Variants in KCNK9 observed in about 807,000 individuals in gnomAD.
The protein encoded by KCNK9 is potassium two pore domain channel subfamily K member 9.
KCNK9 carries 1 observed loss-of-function variant against 10.8 expected under a neutral mutation model. That is an observed-to-expected ratio of 0.09 (90% CI 0.03 to 0.44). The LOEUF is 0.44. Ranked by LOEUF, KCNK9 falls within the 20% of genes least tolerant of loss-of-function variation. The probability of loss-of-function intolerance (pLI) is 0.97; values close to 1 mark genes in which losing one functional copy is unlikely to be tolerated. For synonymous variants in KCNK9, 231 were observed against 222.7 expected (o/e 1.04, Z -0.33); for missense variants, 303 against 515.0 (o/e 0.59, Z 3.98).
At chr8:139,602,586 CT>C (rs1165729864) in intron 2 of KCNK9, among the ~76,000 whole-genome samples, 2 of 152,230 alleles carry the variant, frequency 1.3e-5, no homozygotes, top group African/African-American at 2.4e-5. Flanking sequence ...ATGATAGGAA[CT>C]GCTTAGCACA....
chr8:139,699,871 G>A (rs1029599379), intron 1 of KCNK9, among the ~76,000 whole-genome samples: 5 of 152,168 alleles, frequency 3.3e-5, no homozygotes, highest in African/African-American at 9.7e-5. Context: ...CAGCACCAGC[G>A]GCTCCTGTCC....
intron 1 of KCNK9, among the ~76,000 whole-genome samples, chr8:139,658,470 G>A (rs885726): frequency 0.22 from 33,509 of 152,086 alleles, 6,350 homozygotes; most frequent in East Asian, 0.68. Flanking sequence ...CACGGGTCAC[G>A]CCTGACTTCC....
In KCNK9 at chr8:139,619,029, G is replaced by A. The variant is rs749685849; in HGVS notation, c.354C>T (p.Ile118=). 1 of 1,614,246 alleles carries A rather than the reference G, an allele frequency of 6.2e-7. No homozygotes were observed. Among genetic ancestry groups the A allele is most frequent in the Non-Finnish European group, 8.5e-7 (1 of 1,180,048 alleles). The part of the protein sequence containing the change: ...AFCMFYAVLG[I]PLTLVMFQSL... ...TCTGGAACATGACCAGTGTCAGCGG[G>A]ATGCCCAGCACGGCGTAGAACATGC... The change falls in exon 2 of 2, where the codon ATC becomes ATT. Residue 118 remains isoleucine (I), a synonymous_variant. Transcript: ENST00000520439.
downstream of KCNK9, among the ~76,000 whole-genome samples, chr8:139,609,264 T>G: frequency 4.4e-4 from 1 of 2,274 alleles, no homozygotes; most frequent in Non-Finnish European, 9.5e-4. Flanking sequence ...CCCACCTACC[T>G]AGCGTGAAGA....
At chr8:139,660,962 G>A (rs1267560695) in intron 1 of KCNK9, among the ~76,000 whole-genome samples, 1 of 152,166 alleles carries the variant, frequency 6.6e-6, no homozygotes, top group Non-Finnish European at 1.5e-5. Context: ...GCTTGTGACA[G>A]GCACCAGCAC....
At chr8:139,687,646 A>G (rs1385542611) in intron 1 of KCNK9, among the ~76,000 whole-genome samples, 2 of 111,882 alleles carry the variant, frequency 1.8e-5, no homozygotes, top group Non-Finnish European at 3.7e-5. Flanking sequence ...ATATGTATAC[A>G]TATATATTCA....
downstream of KCNK9, among the ~76,000 whole-genome samples, chr8:139,609,267 C>T (rs1814344026): frequency 1.4e-5 from 2 of 144,268 alleles, no homozygotes; most frequent in South Asian, 4.5e-4. Flanking sequence ...ACCTACCTAG[C>T]GTGAAGAGTG....
In KCNK9 at chr8:139,617,736, A is replaced by G. The variant is rs1033782301; in HGVS notation, c.*522T>C. Among the ~76,000 whole-genome samples the G allele has an allele frequency of 1.3e-5, 2 of 152,174 alleles. No individual in the cohort carries two copies. Among genetic ancestry groups the G allele is most frequent in the African/African-American group, 4.8e-5 (2 of 41,432 alleles). On this transcript the variant is annotated 3_prime_UTR_variant, in exon 2 of 2. Transcript: ENST00000520439. ...TGGGAAAGAAAACGGAATACCTAAT[A>G]CTTCCCGTTTTGTCACGACACACGT...
intron 1 of KCNK9, among the ~76,000 whole-genome samples, chr8:139,639,623 G>A (rs1309981012): frequency 6.6e-6 from 1 of 152,178 alleles, no homozygotes; most frequent in Non-Finnish European, 1.5e-5. Context: ...TGTGACGAAG[G>A]GGCAGACCCA....
chr8:139,625,986 C>G (rs956154609), intron 1 of KCNK9, among the ~76,000 whole-genome samples: 2 of 152,296 alleles, frequency 1.3e-5, no homozygotes, highest in Non-Finnish European at 1.5e-5. Context: ...TAAAGATACT[C>G]TAAGCACATG....
In KCNK9 at chr8:139,618,471, C is replaced by A. The variant is rs201403581; in HGVS notation, c.912G>T (p.Ser304=). 1.9e-6 allele frequency: 3 copies of A among 1,613,846 alleles called. No individual in the cohort carries two copies. Among genetic ancestry groups the A allele is most frequent in the Admixed American group, 1.7e-5 (1 of 60,012 alleles). The change falls in exon 2 of 2, where the codon TCG becomes TCT. Residue 304 remains serine, a synonymous_variant. Coordinates refer to ENST00000520439, the MANE Select transcript of KCNK9 (RefSeq NM_001282534.2). The surrounding 1 kb of genome is among the most constrained non-coding windows in gnomAD (Gnocchi z 7.9). The stretch of plus-strand genomic sequence containing the variant: ...CCACCGAGCGGCCGCCATAGTCCTG[C>A]GAGCGGTAGCAGGTGCAGGAGCACA... The part of the protein sequence containing the change: ...QSVCSCTCYR[S]QDYGGRSVAP...
intron 1 of KCNK9, among the ~76,000 whole-genome samples, chr8:139,656,721 G>C (rs561263770): frequency 4.7e-4 from 71 of 152,256 alleles, no homozygotes; most frequent in African/African-American, 1.4e-3. Context: ...TTGTCTCCTA[G>C]ACCTGCAGTT....
At chr8:139,635,544 TGA>T (rs919127543) in intron 1 of KCNK9, among the ~76,000 whole-genome samples, 6 of 152,070 alleles carry the variant, frequency 3.9e-5, no homozygotes, top group African/African-American at 1.2e-4. Context: ...TTGCAGAGAG[TGA>T]GAGACCTAAA....
At chr8:139,695,044 G>A (rs896141536) in intron 1 of KCNK9, among the ~76,000 whole-genome samples, 1 of 152,172 alleles carries the variant, frequency 6.6e-6, no homozygotes, top group Non-Finnish European at 1.5e-5. Context: ...CATCTTCCCT[G>A]CCATGAATTT....
At chr8:139,627,103 T>C (rs1222662537) in intron 1 of KCNK9, among the ~76,000 whole-genome samples, 3 of 152,236 alleles carry the variant, frequency 2.0e-5, no homozygotes, top group Non-Finnish European at 4.4e-5. Context: ...TCCTGCTTAC[T>C]ATGACCTTGG....
chr8:139,701,982 A>T (rs1426843469), intron 1 of KCNK9, among the ~76,000 whole-genome samples: 4 of 152,120 alleles, frequency 2.6e-5, no homozygotes, highest in Non-Finnish European at 1.5e-5. Context: ...GGCCTTTCCC[A>T]GTGTCACAGC....
intron 1 of KCNK9, among the ~76,000 whole-genome samples, chr8:139,636,437 T>G (rs1479877861): frequency 6.6e-6 from 1 of 152,224 alleles, no homozygotes; most frequent in Non-Finnish European, 1.5e-5. Flanking sequence ...AGTCACTCCT[T>G]AAGCCATTTG....
intron 1 of KCNK9, among the ~76,000 whole-genome samples, chr8:139,653,669 C>A (rs540894841): frequency 1.9e-4 from 29 of 152,310 alleles, no homozygotes; most frequent in African/African-American, 6.3e-4. Context: ...TATGCAAACA[C>A]TTGTTTAATA....
intron 1 of KCNK9, among the ~76,000 whole-genome samples, chr8:139,696,064 T>C (rs759141673): frequency 6.6e-6 from 1 of 152,138 alleles, no homozygotes; most frequent in Non-Finnish European, 1.5e-5. Context: ...GTGACTACTA[T>C]AGAGACAAGC....
Sources: allele counts gnomAD v4.1 joint callset (sites outside exome capture counted in the v4.1 genomes callset), GRCh38; gene constraint gnomAD v4.1.1; non-coding constraint Gnocchi (gnomAD v3.1); transcripts MANE v1.5; gene names NCBI Gene and HGNC (gene_info 2026-07-23, HGNC 2026-07-21).